Variants in RASAL2 observed in about 807,000 individuals in gnomAD.
The protein encoded by RASAL2 is ras GTPase-activating protein nGAP.
RASAL2 carries 58 observed loss-of-function variants against 128.9 expected under a neutral mutation model. The observed-to-expected ratio is 0.45, with a 90% CI of 0.36 to 0.56. The LOEUF is 0.56. Among genes scored for constraint, RASAL2 ranks in the 20% least tolerant of loss-of-function variants. The probability of loss-of-function intolerance (pLI) is 0.00; values close to 1 mark genes in which losing one functional copy is unlikely to be tolerated. For missense variants in RASAL2, 1,360 were observed against 1,601.6 expected (o/e 0.85, Z 2.57); for synonymous variants, 561 against 580.8 (o/e 0.97, Z 0.49).
intron 2 of RASAL2, among the ~76,000 whole-genome samples, chr1:178,295,379 C>A (rs1372793879): frequency 6.6e-6 from 1 of 152,058 alleles, no homozygotes; most frequent in Admixed American, 6.5e-5. Context: ...CCCCTCACCC[C>A]CCAGCAGGCC....
At chr1:178,388,238 C>G (rs1672698089) in intron 3 of RASAL2, among the ~76,000 whole-genome samples, 1 of 152,150 alleles carries the variant, frequency 6.6e-6, no homozygotes, top group African/African-American at 2.4e-5. Context: ...ATAGAGTCAT[C>G]TAACTTGGAT....
chr1:178,174,804 C>T (rs897386568), intron 1 of RASAL2, among the ~76,000 whole-genome samples: 2 of 152,122 alleles, frequency 1.3e-5, no homozygotes, highest in African/African-American at 2.4e-5. Flanking sequence ...ATAGCTGGTT[C>T]CTTCATGTGC....
intron 9 of RASAL2, 132 bp downstream of exon 9, chr1:178,445,794 A>G: frequency 2.2e-6 from 2 of 926,834 alleles, no homozygotes; most frequent in Non-Finnish European, 3.1e-6. Flanking sequence ...TAAGGTTTGA[A>G]TCATGGCTGT....
At chr1:178,125,253 TCTGA>T (rs1659854322) in intron 1 of RASAL2, 1 of 152,204 alleles carries the variant, frequency 6.6e-6, no homozygotes, top group African/African-American at 2.4e-5. Flanking sequence ...AATTGAATTA[TCTGA>T]CTGGTGGTAG....
At chr1:178,444,255 C>T (rs1676851656) in intron 8 of RASAL2, among the ~76,000 whole-genome samples, 1 of 152,058 alleles carries the variant, frequency 6.6e-6, no homozygotes, top group Non-Finnish European at 1.5e-5. Flanking sequence ...GTAGAATAAA[C>T]ACCCATTTAA....
intron 1 of RASAL2, among the ~76,000 whole-genome samples, chr1:178,100,154 C>G (rs376853492): frequency 6.6e-6 from 1 of 152,026 alleles, no homozygotes; most frequent in African/African-American, 2.4e-5. Context: ...TTCTAGAACA[C>G]CCCTCTTTAA....
rs758191237 is a variant in RASAL2, at chr1:178,465,969, G to A, written c.3437G>A (p.Arg1146Gln). ...AAGGAGCGCCTGAGAGTTTCCAGCCGGCGACTGGAGGAATATGAACGCCGC... is the reference window on the plus strand; with the variant it reads ...AAGGAGCGCCTGAGAGTTTCCAGCCAGCGACTGGAGGAATATGAACGCCGC... ...KLKERLRVSS[R>Q]RLEEYERRLL... The change falls in exon 16 of 18, where the codon CGG becomes CAG. Residue 1146 changes from arginine to glutamine, a missense_variant. This residue lies in a region of RASAL2 where 741 missense variants were observed against 868.6 expected (regional missense o/e 0.85). Transcript: ENST00000367649. 45 of 1,556,060 alleles carry A rather than the reference G, an allele frequency of 2.9e-5. No individual in the cohort carries two copies. The Admixed American group carries it at 5.6e-4, about 19-fold the overall frequency.
chr1:178,415,492 A>G (rs1674693935), intron 4 of RASAL2, among the ~76,000 whole-genome samples: 2 of 152,108 alleles, frequency 1.3e-5, no homozygotes, highest in South Asian at 4.2e-4. Context: ...CCAGAATTTG[A>G]TCTGTCTTGG....
chr1:178,320,592 A>T (rs1255965139), intron 3 of RASAL2, among the ~76,000 whole-genome samples: 1 of 152,102 alleles, frequency 6.6e-6, no homozygotes, highest in Non-Finnish European at 1.5e-5. Context: ...TGACTGGGAG[A>T]GGGAACTCCC....
intron 1 of RASAL2, among the ~76,000 whole-genome samples, chr1:178,133,696 A>G (rs1196597557): frequency 6.6e-6 from 1 of 152,190 alleles, no homozygotes; most frequent in Non-Finnish European, 1.5e-5. Context: ...GCCTTTCCAC[A>G]GGGCAAATAT....
chr1:178,226,039 A>G lies in RASAL2; in HGVS notation c.203-57525A>G, dbSNP rs77146037. On this transcript the variant is annotated intron_variant, in intron 1 of 17. Transcript: ENST00000367649. ...TTTCTCTTTTGGTGAACTTGACTGA[A>G]TTACAGAGGAACCTTGAGAACTTAG... Among the ~76,000 whole-genome samples, 1,018 of 152,286 alleles carry G rather than the reference A, an allele frequency of 6.7e-3. 7 individuals carry two copies. The highest frequency in any genetic ancestry group is 0.027 in the Middle Eastern group (8 of 294).
At chr1:178,262,287 A>G (rs1248482376) in intron 1 of RASAL2, among the ~76,000 whole-genome samples, 1 of 152,174 alleles carries the variant, frequency 6.6e-6, no homozygotes, top group African/African-American at 2.4e-5. Context: ...TTGGAAACAC[A>G]AACTGTTTAT....
At chr1:178,128,398 C>T (rs1378198409) in intron 1 of RASAL2, among the ~76,000 whole-genome samples, 1 of 152,074 alleles carries the variant, frequency 6.6e-6, no homozygotes, top group Non-Finnish European at 1.5e-5. Flanking sequence ...TAGAATTCTA[C>T]TTGTTAGTTT....
chr1:178,297,847 T>A (rs1236309325), intron 2 of RASAL2, among the ~76,000 whole-genome samples: 1 of 152,116 alleles, frequency 6.6e-6, no homozygotes, highest in Non-Finnish European at 1.5e-5. Flanking sequence ...TTCTCTCCTT[T>A]GATATAGCAG....
intron 3 of RASAL2, among the ~76,000 whole-genome samples, chr1:178,324,545 T>C (rs1222452840): frequency 6.6e-6 from 1 of 152,188 alleles, no homozygotes; most frequent in Non-Finnish European, 1.5e-5. Context: ...ATAGTCATAA[T>C]TCACCAGTCT....
chr1:178,317,536 G>A (rs922512077), intron 3 of RASAL2, among the ~76,000 whole-genome samples: 4 of 150,412 alleles, frequency 2.7e-5, no homozygotes, highest in African/African-American at 4.9e-5. Flanking sequence ...TGTATGTGTC[G>A]AGGAATTTAT....
intron 1 of RASAL2, among the ~76,000 whole-genome samples, chr1:178,238,986 A>G (rs140901036): frequency 1.3e-5 from 2 of 152,196 alleles, no homozygotes; most frequent in Admixed American, 6.5e-5. Context: ...ACAGGTTCTT[A>G]GTGACTGAGC....
At chr1:178,217,676 A>G (rs1226480884) in intron 1 of RASAL2, among the ~76,000 whole-genome samples, 1 of 152,196 alleles carries the variant, frequency 6.6e-6, no homozygotes, top group Non-Finnish European at 1.5e-5. Flanking sequence ...TTTTATTGCT[A>G]AAAACTGCTA....
intron 4 of RASAL2, among the ~76,000 whole-genome samples, chr1:178,406,804 GTAATA>G (rs1674029038): frequency 6.6e-6 from 1 of 151,346 alleles, no homozygotes; most frequent in African/African-American, 2.4e-5. Context: ...TGTAATACCT[GTAATA>G]TAATATGTAT....
Sources: allele counts gnomAD v4.1 joint callset (sites outside exome capture counted in the v4.1 genomes callset), GRCh38; gene constraint gnomAD v4.1.1; regional missense constraint gnomAD v4.1.1; transcripts MANE v1.5; gene names NCBI Gene and HGNC (gene_info 2026-07-23, HGNC 2026-07-21).